Variants in BCL9 observed in about 807,000 individuals in gnomAD.
BCL9 encodes BCL9 transcription coactivator.
Under a neutral mutation model 88.5 loss-of-function variants are expected in BCL9, and 25 were observed. That is an observed-to-expected ratio of 0.28 (90% CI 0.21 to 0.39). BCL9 has a LOEUF of 0.39. BCL9 is among the 10% of genes least tolerant of loss of function. The probability of loss-of-function intolerance (pLI) is 1.00; values close to 1 mark genes in which losing one functional copy is unlikely to be tolerated. For synonymous variants in BCL9, 711 were observed against 673.3 expected (o/e 1.06, Z -0.87); for missense variants, 1,817 against 1,877.8 (o/e 0.97, Z 0.60).
Position 147,620,566 on chromosome 1 carries a change from T to C in BCL9, c.2411T>C (p.Ile804Thr), listed in dbSNP as rs141891777. The change falls in exon 8 of 10, where the codon ATT becomes ACT. Residue 804 changes from isoleucine (I) to threonine (T), a missense_variant. Ile to Thr is a moderately conservative substitution (Grantham distance 89). Around this residue, in one of 2 missense-constraint regions of BCL9, gnomAD observed 1,228 missense variants for 1,191.6 expected, o/e 1.03. Transcript: ENST00000234739. ...NSGLRNLREP[I>T]GPDQRTNSRL... ...GGCTTGCGGAATCTCAGAGAACCAA[T>C]TGGGCCCGACCAGAGGACTAACAGC... 302 of 1,613,736 alleles carry C rather than the reference T, an allele frequency of 1.9e-4. No homozygotes were observed. The highest frequency in any genetic ancestry group is 3.4e-4 in the Middle Eastern group (2 of 5,926).
chr1:147,578,162 T>G (rs892187059), intron 1 of BCL9, among the ~76,000 whole-genome samples: 2 of 152,304 alleles, frequency 1.3e-5, no homozygotes, highest in South Asian at 4.1e-4. Flanking sequence ...GTGACTGACT[T>G]CAATTATTCC....
chr1:147,552,443 T>TA (rs199660195), intron 1 of BCL9, among the ~76,000 whole-genome samples: 5,738 of 151,908 alleles, frequency 0.038, 160 homozygotes, highest in African/African-American at 0.079. Context: ...CTGTCTCTAC[T>TA]AAAAAATACA....
intron 1 of BCL9, among the ~76,000 whole-genome samples, chr1:147,567,718 A>G (rs1259033150): frequency 6.6e-6 from 1 of 152,172 alleles, no homozygotes; most frequent in Non-Finnish European, 1.5e-5. Context: ...AGTGAAAGCA[A>G]GTAGTGTTCC....
intron 9 of BCL9, among the ~76,000 whole-genome samples, chr1:147,623,287 G>A (rs587659116): frequency 1.3e-5 from 2 of 152,230 alleles, no homozygotes; most frequent in East Asian, 3.9e-4. Flanking sequence ...ATACTTCAAT[G>A]TCCCAGGGAC....
At chr1:147,559,746 G>A (rs782733317) in intron 1 of BCL9, among the ~76,000 whole-genome samples, 5 of 152,178 alleles carry the variant, frequency 3.3e-5, no homozygotes, top group Non-Finnish European at 5.9e-5. Context: ...ACAAGCAAGA[G>A]AGTAAATACC....
chr1:147,622,427 G>C lies in BCL9; in HGVS notation c.3059G>C (p.Ser1020Thr). Residue 1020 changes from serine to threonine, a missense_variant, in exon 9 of 10, where the codon AGT becomes ACT. This residue lies in a region of BCL9 where 589 missense variants were observed against 686.2 expected (regional missense o/e 0.86). Transcript: ENST00000234739. Reference sequence around the variant, plus strand: ...CGAATGTCCAAGTTTGCAATGCCCAGTTCCACCCCGTTATACCATGATGCT... The same window carrying C: ...CGAATGTCCAAGTTTGCAATGCCCACTTCCACCCCGTTATACCATGATGCT... ...MSRMSKFAMP[S>T]STPLYHDAIK... 1 of 1,614,086 alleles carries C rather than the reference G, an allele frequency of 6.2e-7. No individual in the cohort carries two copies. Among genetic ancestry groups the C allele is most frequent in the South Asian group, 1.1e-5 (1 of 91,086 alleles).
chr1:147,588,924 A>T (rs1301036796), intron 1 of BCL9, among the ~76,000 whole-genome samples: 4 of 152,188 alleles, frequency 2.6e-5, no homozygotes, highest in African/African-American at 9.6e-5. Flanking sequence ...TGTGTATTTT[A>T]GTCATTTAGA....
intron 4 of BCL9, among the ~76,000 whole-genome samples, chr1:147,612,677 G>T (rs1658071739): frequency 6.6e-6 from 1 of 152,086 alleles, no homozygotes; most frequent in Non-Finnish European, 1.5e-5. Flanking sequence ...AACCTGGCAG[G>T]CCACTCTGCT....
chr1:147,542,880 C>T (rs1654397792), intron 1 of BCL9, among the ~76,000 whole-genome samples: 1 of 152,088 alleles, frequency 6.6e-6, no homozygotes, highest in East Asian at 1.9e-4. Flanking sequence ...GGCATGCAGA[C>T]GCATCTGTAA....
intron 1 of BCL9, among the ~76,000 whole-genome samples, chr1:147,583,052 T>C (rs2101553611): frequency 6.6e-6 from 1 of 152,344 alleles, no homozygotes; most frequent in South Asian, 2.1e-4. Flanking sequence ...TGATTACTAG[T>C]TAGGATGAGT....
chr1:147,602,783 A>T (rs1169316543), intron 1 of BCL9, among the ~76,000 whole-genome samples: 5 of 152,108 alleles, frequency 3.3e-5, no homozygotes, highest in African/African-American at 1.2e-4. Flanking sequence ...GCTCCTGTGA[A>T]TAAAAGAAAA....
chr1:147,550,235 G>A (rs1328624786), intron 1 of BCL9, among the ~76,000 whole-genome samples: 7 of 152,110 alleles, frequency 4.6e-5, no homozygotes, highest in Admixed American at 1.3e-4. Flanking sequence ...GGGGTAGAGC[G>A]GTTGTCACTT....
chr1:147,552,362 C>G (rs1429465468), intron 1 of BCL9, among the ~76,000 whole-genome samples: 3 of 152,162 alleles, frequency 2.0e-5, no homozygotes, highest in African/African-American at 7.2e-5. Flanking sequence ...AATCTTAGCA[C>G]TTTGGGAGGC....
chr1:147,581,429 G>C (rs1308713332), intron 1 of BCL9, among the ~76,000 whole-genome samples: 2 of 152,162 alleles, frequency 1.3e-5, no homozygotes, highest in Non-Finnish European at 2.9e-5. Flanking sequence ...ATGCATCAAG[G>C]TGTAAGTGGC....
chr1:147,619,408 A>G lies in BCL9; in HGVS notation c.1253A>G (p.Lys418Arg). The G allele has an allele frequency of 1.2e-6, 2 of 1,614,110 alleles. No homozygotes were observed. The highest frequency in any genetic ancestry group is 1.7e-6 in the Non-Finnish European group (2 of 1,180,026). The change falls in exon 8 of 10, where the codon AAG becomes AGG. Residue 418 changes from lysine (K) to arginine (R), a missense_variant. Transcript: ENST00000234739. The surrounding 1 kb of genome is among the most constrained non-coding windows in gnomAD (Gnocchi z 4.1). Reference protein sequence around the residue: ...AMMAQSQSLGKGPGPRTDVGA... With the variant: ...AMMAQSQSLGRGPGPRTDVGA... ...ATGGCCCAATCCCAAAGCCTAGGTAAGGGACCTGGGCCCCGGACAGACGTG... is the reference window on the plus strand; with the variant it reads ...ATGGCCCAATCCCAAAGCCTAGGTAGGGGACCTGGGCCCCGGACAGACGTG...
chr1:147,592,034 G>C (rs939041242), intron 1 of BCL9, among the ~76,000 whole-genome samples: 2 of 152,160 alleles, frequency 1.3e-5, no homozygotes, highest in African/African-American at 4.8e-5. Context: ...ATGCTTGACT[G>C]ATAAACTATA....
rs782363619 is a variant in BCL9 at position 147,622,370 on chromosome 1, T to C, written c.3002T>C (p.Leu1001Pro). 5 of 1,614,036 alleles carry C rather than the reference T, an allele frequency of 3.1e-6. No individual in the cohort carries two copies. In the Admixed American group the frequency reaches 6.7e-5, roughly 22 times the overall value. Residue 1001 changes from leucine (L) to proline (P), a missense_variant, in exon 9 of 10, where the codon CTT becomes CCT. Leu to Pro is a moderately conservative substitution (Grantham distance 98, BLOSUM62 -3). Transcript: ENST00000234739. Reference protein sequence around the residue: ...TPYTMPPEPTLSQNPLSIMMS... With the variant: ...TPYTMPPEPTPSQNPLSIMMS... ...TATACCATGCCTCCAGAGCCAACCC[T>C]TTCCCAGAACCCACTCTCTATTATG...
chr1:147,599,904 A>G (rs115058963), intron 1 of BCL9, among the ~76,000 whole-genome samples: 8,895 of 149,854 alleles, frequency 0.059, 593 homozygotes, highest in African/African-American at 0.17. Context: ...ACTTTCCCTG[A>G]AGGGGCACGA....
intron 1 of BCL9, among the ~76,000 whole-genome samples, chr1:147,564,034 G>A (rs1054400497): frequency 1.5e-4 from 23 of 152,150 alleles, no homozygotes; most frequent in Non-Finnish European, 2.2e-4. Context: ...AGGAGGAGTG[G>A]GGGTGAAAGG....
Sources: gnomAD v4.1 joint callset for allele counts (sites outside exome capture counted in the v4.1 genomes callset) on GRCh38, gnomAD v4.1.1 for gene constraint, gnomAD v4.1.1 regional missense constraint, Gnocchi (gnomAD v3.1) non-coding constraint, MANE v1.5 for transcripts, NCBI Gene and HGNC (gene_info 2026-07-23, HGNC 2026-07-21) for gene names.